Variants in ZNF225 observed in about 807,000 individuals in gnomAD.
The protein encoded by ZNF225 is zinc finger protein 225.
Under a neutral mutation model 12.0 loss-of-function variants are expected in ZNF225, and 6 were observed. The ratio of observed to expected loss-of-function variants is 0.50; its 90% CI spans 0.27 to 0.98. The LOEUF is 0.98. ZNF225 is among the 50% of genes least tolerant of loss of function. ZNF225 has a pLI of 0.11. For synonymous variants in ZNF225, 271 were observed against 283.2 expected (o/e 0.96, Z 0.43); for missense variants, 763 against 848.2 (o/e 0.90, Z 1.25).
chr19:44,119,535 T>G (rs1316975240), intron 4 of ZNF225, among the ~76,000 whole-genome samples: 1 of 152,228 alleles, frequency 6.6e-6, no homozygotes, highest in Non-Finnish European at 1.5e-5. Context: ...TTTGCATTTC[T>G]GACCCTTCTT....
intron 2 of ZNF225, 83 bp downstream of exon 2, chr19:44,115,925 G>T: frequency 1.4e-6 from 2 of 1,465,972 alleles, no homozygotes; most frequent in South Asian, 1.3e-5. Flanking sequence ...GCAGTGGCCT[G>T]ATTTTGGCTC....
Position 44,132,493 on chromosome 19 carries a change from G to A in ZNF225, c.1879G>A (p.Glu627Lys). 6 of 1,614,038 alleles carry A rather than the reference G, an allele frequency of 3.7e-6. No individual in the cohort carries two copies. The highest frequency in any genetic ancestry group is 5.1e-6 in the Non-Finnish European group (6 of 1,179,970). The change falls in exon 5 of 5, where the codon GAG becomes AAG. Residue 627 changes from glutamate (E) to lysine (K), a missense_variant. Transcript: ENST00000262894. ...CACTGGGGAAAAGCCATACAAATGT[G>A]AGAAGTGTGGAAAGAGCTTCAGATG... is the stretch of plus-strand genomic sequence containing the variant. ...VHTGEKPYKC[E>K]KCGKSFRWAS...
chr19:44,119,263 G>A (rs1364901381), intron 4 of ZNF225, among the ~76,000 whole-genome samples: 5 of 152,006 alleles, frequency 3.3e-5, no homozygotes, highest in Admixed American at 2.6e-4. Context: ...CCTCCCTACC[G>A]TTTCTCTGAC....
Position 44,132,854 on chromosome 19 carries a change from G to A in ZNF225, c.*119G>A. The A allele has an allele frequency of 3.2e-6, 3 of 951,772 alleles. No homozygotes were observed. Among genetic ancestry groups the A allele is most frequent in the South Asian group, 1.9e-5 (1 of 52,300 alleles). The allele number at this position is 951,772 out of a possible 1,614,324, so 59.0% of individuals were successfully genotyped here. On this transcript the variant is annotated 3_prime_UTR_variant, in exon 5 of 5. Coordinates refer to ENST00000262894, the MANE Select transcript of ZNF225 (RefSeq NM_013362.4). The stretch of plus-strand genomic sequence containing the variant: ...CAAACATTTATCATTTATTTATGTT[G>A]GGAACCCTTAAAATTCACTGTCCTA...
chr19:44,127,031 C>A (rs990113043), intron 4 of ZNF225, among the ~76,000 whole-genome samples: 1 of 152,198 alleles, frequency 6.6e-6, no homozygotes, highest in Non-Finnish European at 1.5e-5. Context: ...TGGATTCACA[C>A]CCTCCCCCAA....
At chr19:44,128,086 G>T (rs757850774) in intron 4 of ZNF225, among the ~76,000 whole-genome samples, 5 of 147,828 alleles carry the variant, frequency 3.4e-5, no homozygotes, top group Non-Finnish European at 7.4e-5. Flanking sequence ...TTACCCATCT[G>T]CAGCCTGTTT....
At chr19:44,120,412 A>G (rs1968030751) in intron 4 of ZNF225, among the ~76,000 whole-genome samples, 1 of 152,192 alleles carries the variant, frequency 6.6e-6, no homozygotes, top group South Asian at 2.1e-4. Context: ...GTATCTAATT[A>G]TTTGTTATCC....
In ZNF225 at chr19:44,133,521, A is replaced by G. The variant is rs1038631248; in HGVS notation, c.*786A>G. 9 of 152,170 alleles carry G rather than the reference A, an allele frequency of 5.9e-5. No homozygotes were observed. Among genetic ancestry groups the G allele is most frequent in the Non-Finnish European group, 1.5e-5 (1 of 68,024 alleles). The allele number at this position is 152,170 out of a possible 1,614,324, so 9.4% of individuals were successfully genotyped here. ...TAATGCATGTGAGCTCGCTTTAAGC[A>G]TAAGTGAAGGAGTGGAAAAATCCTG... On this transcript the variant is annotated 3_prime_UTR_variant, in exon 5 of 5. Transcript: ENST00000262894.
intron 4 of ZNF225, chr19:44,130,003 A>G (rs922635441): frequency 6.6e-6 from 1 of 152,254 alleles, no homozygotes; most frequent in African/African-American, 2.4e-5. Flanking sequence ...TATTAGTTAC[A>G]TAATTTACCA....
At chr19:44,130,765 T>C (rs1568541740) in intron 4 of ZNF225, 85 bp from the exon 5 acceptor site, 1 of 1,063,882 alleles carries the variant, frequency 9.4e-7, no homozygotes, top group Non-Finnish European at 1.4e-6. Flanking sequence ...TATTAAAATT[T>C]CAGGCTATGT....
At chr19:44,123,011 C>G (rs1488609437) in intron 4 of ZNF225, among the ~76,000 whole-genome samples, 1 of 152,138 alleles carries the variant, frequency 6.6e-6, no homozygotes, top group Non-Finnish European at 1.5e-5. Context: ...TCTGATTGCT[C>G]TGGCTAGGAC....
Position 44,131,246 on chromosome 19 carries a change from A to G in ZNF225, c.632A>G (p.Lys211Arg). ...CTCTATAATTGTGATGTGTGTGGTA[A>G]GGAATTCAATCAGAGCTCACATCTG... The part of the protein sequence containing the change: ...EKLYNCDVCG[K>R]EFNQSSHLQI... Residue 211 changes from lysine (K) to arginine (R), a missense_variant, in exon 5 of 5, where the codon AAG becomes AGG. Lys to Arg is a conservative substitution (Grantham distance 26). Coordinates refer to ENST00000262894, the MANE Select transcript of ZNF225 (RefSeq NM_013362.4). 6.2e-7 allele frequency: 1 copy of G among 1,614,256 alleles called. No homozygotes were observed. Among genetic ancestry groups the G allele is most frequent in the Non-Finnish European group, 8.5e-7 (1 of 1,180,046 alleles).
intron 4 of ZNF225, among the ~76,000 whole-genome samples, chr19:44,127,184 G>A (rs552985822): frequency 6.6e-6 from 1 of 152,364 alleles, no homozygotes; most frequent in African/African-American, 2.4e-5. Flanking sequence ...AGAATGGCCT[G>A]CTTAGGGACC....
In ZNF225 at chr19:44,132,454, C is replaced by T. The variant is rs1345651327; in HGVS notation, c.1840C>T (p.His614Tyr). The T allele has an allele frequency of 1.7e-5, 27 of 1,614,010 alleles. No homozygotes were observed. The highest frequency in any genetic ancestry group is 2.3e-5 in the Non-Finnish European group (27 of 1,180,022). ...TACTGAGAATTCACAGCTTCATTCC[C>T]ATCAGAGGGTTCACACTGGGGAAAA... is the stretch of plus-strand genomic sequence containing the variant. Reference protein sequence around the residue: ...RFTENSQLHSHQRVHTGEKPY... With the variant: ...RFTENSQLHSYQRVHTGEKPY... The change falls in exon 5 of 5, where the codon CAT becomes TAT. Residue 614 changes from histidine to tyrosine, a missense_variant. His to Tyr is a moderately conservative substitution (Grantham distance 83, BLOSUM62 2). Coordinates refer to ENST00000262894, the MANE Select transcript of ZNF225 (RefSeq NM_013362.4).
chr19:44,124,807 T>G (rs1013650904), intron 4 of ZNF225, among the ~76,000 whole-genome samples: 1 of 152,238 alleles, frequency 6.6e-6, no homozygotes, highest in Non-Finnish European at 1.5e-5. Context: ...CTTTAAAGTT[T>G]GTTTTGTCTG....
rs764297153 is a variant in ZNF225 at position 44,132,697 on chromosome 19, C to A, written c.2083C>A (p.Leu695Ile). ...GAAGCGCTACAAGAGGCGCTTGAATCTTGATACGCTTTTGTCATTATTTTT... is the reference window on the plus strand; with the variant it reads ...GAAGCGCTACAAGAGGCGCTTGAATATTGATACGCTTTTGTCATTATTTTT... ...CGKRYKRRLN[L>I]DTLLSLFLND... is the part of the protein sequence containing the mutation. The change falls in exon 5 of 5, where the codon CTT becomes ATT. Residue 695 changes from leucine (L) to isoleucine (I), a missense_variant. Leu to Ile is a conservative substitution (Grantham distance 5). Transcript: ENST00000262894. 53 of 1,607,596 alleles carry A rather than the reference C, an allele frequency of 3.3e-5. No homozygotes were observed. Among genetic ancestry groups the A allele is most frequent in the Non-Finnish European group, 4.3e-5 (51 of 1,177,950 alleles).
intron 4 of ZNF225, among the ~76,000 whole-genome samples, chr19:44,128,121 T>C (rs77503298): frequency 0.054 from 7,535 of 139,942 alleles, 629 homozygotes; most frequent in African/African-American, 0.19. Context: ...ACATCACCAA[T>C]GTACATGTAC....
Position 44,132,526 on chromosome 19 carries a change from A to G in ZNF225, c.1912A>G (p.Thr638Ala), listed in dbSNP as rs758262080. 34 of 1,613,890 alleles carry G rather than the reference A, an allele frequency of 2.1e-5. No individual in the cohort carries two copies. The Middle Eastern group carries it at 9.9e-4, about 47-fold the overall frequency. The change falls in exon 5 of 5, where the codon ACT becomes GCT. Residue 638 changes from threonine (T) to alanine (A), a missense_variant. Coordinates refer to ENST00000262894, the MANE Select transcript of ZNF225 (RefSeq NM_013362.4). ...KCGKSFRWASTHLTHQRLHSR... is the reference protein window; with the variant it reads ...KCGKSFRWASAHLTHQRLHSR... The stretch of plus-strand genomic sequence containing the variant: ...TGGAAAGAGCTTCAGATGGGCCTCA[A>G]CTCATCTAACCCATCAGAGACTCCA...
At chr19:44,114,199 AG>A in intron 1 of ZNF225, 1 of 1,042,186 alleles carries the variant, frequency 9.6e-7, no homozygotes, top group South Asian at 1.3e-5. Flanking sequence ...TTGGCTTCTG[AG>A]GGCAAAGCTC....
Sources: gnomAD v4.1 joint callset for allele counts (sites outside exome capture counted in the v4.1 genomes callset) on GRCh38, gnomAD v4.1.1 for gene constraint, MANE v1.5 for transcripts, NCBI Gene and HGNC (gene_info 2026-07-23, HGNC 2026-07-21) for gene names.